Variants in PARD3B observed in about 807,000 individuals in gnomAD.
The protein encoded by PARD3B is partitioning defective 3 homolog B.
A neutral mutation model predicts 130.2 loss-of-function variants in PARD3B; 103 were observed. The observed-to-expected ratio is 0.79, with a 90% CI of 0.67 to 0.93. PARD3B has a LOEUF of 0.93. PARD3B is among the 40% of genes least tolerant of loss of function. The probability of loss-of-function intolerance (pLI) is 0.00; values close to 1 mark genes in which losing one functional copy is unlikely to be tolerated. For synonymous variants in PARD3B, 583 were observed against 553.2 expected (o/e 1.05, Z -0.76); for missense variants, 1,609 against 1,499.2 (o/e 1.07, Z -1.21).
intron 4 of PARD3B, among the ~76,000 whole-genome samples, chr2:205,092,744 C>A (rs1408042099): frequency 6.6e-6 from 1 of 152,120 alleles, no homozygotes; most frequent in Non-Finnish European, 1.5e-5. Flanking sequence ...CCATACTGAT[C>A]AACAATCTCT....
At chr2:204,789,271 G>A (rs536816470) in intron 2 of PARD3B, among the ~76,000 whole-genome samples, 12 of 152,174 alleles carry the variant, frequency 7.9e-5, no homozygotes, top group South Asian at 6.2e-4. Flanking sequence ...ATTTGGTCTC[G>A]AAATCCTGGT....
chr2:205,282,415 G>A (rs1428242759), intron 16 of PARD3B, among the ~76,000 whole-genome samples: 1 of 150,680 alleles, frequency 6.6e-6, no homozygotes, highest in Non-Finnish European at 1.5e-5. Flanking sequence ...TTTACAAGTT[G>A]GCTCTTAATA....
At chr2:205,307,848 CACTT>C (rs747400466) in intron 18 of PARD3B, among the ~76,000 whole-genome samples, 1 of 152,140 alleles carries the variant, frequency 6.6e-6, no homozygotes, top group South Asian at 2.1e-4. Flanking sequence ...ATAGGCCACT[CACTT>C]CAAAAACCTT....
At chr2:205,070,418 C>G (rs1700652220) in intron 4 of PARD3B, among the ~76,000 whole-genome samples, 1 of 151,778 alleles carries the variant, frequency 6.6e-6, no homozygotes, top group Non-Finnish European at 1.5e-5. Flanking sequence ...TCTCTATAAT[C>G]TTTGTTCATG....
intron 3 of PARD3B, among the ~76,000 whole-genome samples, chr2:204,985,240 C>T (rs1340774499): frequency 6.6e-6 from 1 of 151,964 alleles, no homozygotes; most frequent in African/African-American, 2.4e-5. Context: ...TACTTTCCTT[C>T]CTTGAACAAT....
intron 18 of PARD3B, among the ~76,000 whole-genome samples, chr2:205,364,356 C>T (rs1430950726): frequency 1.3e-5 from 2 of 152,124 alleles, no homozygotes; most frequent in Non-Finnish European, 2.9e-5. Flanking sequence ...ATGGCATTCC[C>T]TAGTGTACTG....
rs1371369488 is a variant in PARD3B, at chr2:205,291,526, T to C, written c.2186-9004T>C. 6.6e-6 allele frequency among the ~76,000 whole-genome samples: 1 copy of C among 152,196 alleles called. No homozygotes were observed. Among genetic ancestry groups the C allele is most frequent in the Non-Finnish European group, 1.5e-5 (1 of 68,036 alleles). On this transcript the variant is annotated intron_variant, in intron 16 of 22. Coordinates refer to ENST00000406610, the MANE Select transcript of PARD3B (RefSeq NM_001302769.2). This position sits in a 1 kb window ranked among gnomAD's most constrained non-coding sequence, Gnocchi z 4.6. The stretch of plus-strand genomic sequence containing the variant: ...TCTGGTGTATTATGGAAGGTAGAAC[T>C]TGTAAGTGATGAAATTGGGTATTTA...
rs1574781572 is a variant in PARD3B, at chr2:205,352,796, G to T, written c.2631-48217G>T. Among the ~76,000 whole-genome samples, 1 of 152,098 alleles carries T rather than the reference G, an allele frequency of 6.6e-6. No individual in the cohort carries two copies. Among genetic ancestry groups the T allele is most frequent in the African/African-American group, 2.4e-5 (1 of 41,408 alleles). ...TTTCAGCCCCTGACTTGTTCCTGGG[G>T]CTGCTGATTCATCTGTTTTCATTGC... On this transcript the variant is annotated intron_variant, in intron 18 of 22. Coordinates refer to ENST00000406610, the MANE Select transcript of PARD3B (RefSeq NM_001302769.2). The surrounding 1 kb of genome is among the most constrained non-coding windows in gnomAD (Gnocchi z 5.2).
chr2:205,252,208 G>A (rs549784252), intron 16 of PARD3B, among the ~76,000 whole-genome samples: 2 of 152,210 alleles, frequency 1.3e-5, no homozygotes, highest in South Asian at 4.1e-4. Flanking sequence ...TAAATAAAGA[G>A]ACAACATATG....
chr2:204,872,786 A>G (rs899199456), intron 2 of PARD3B, among the ~76,000 whole-genome samples: 1 of 152,190 alleles, frequency 6.6e-6, no homozygotes, highest in African/African-American at 2.4e-5. Context: ...TAAACCAAAT[A>G]CTTATTTGAA....
rs1049587624 is a variant in PARD3B, at chr2:205,230,877, G to A, written c.2141-14901G>A. Among the ~76,000 whole-genome samples, 2 of 152,058 alleles carry A rather than the reference G, an allele frequency of 1.3e-5. No homozygotes were observed. Among genetic ancestry groups the A allele is most frequent in the African/African-American group, 4.8e-5 (2 of 41,422 alleles). ...TGCTCCCTCCATGGACTCTGGCTGT[G>A]TTCTGCCTGGTGTTGCTTTCCACCA... On this transcript the variant is annotated intron_variant, in intron 15 of 22. Coordinates refer to ENST00000406610, the MANE Select transcript of PARD3B (RefSeq NM_001302769.2). The surrounding 1 kb of genome is among the most constrained non-coding windows in gnomAD (Gnocchi z 4.1).
intron 2 of PARD3B, among the ~76,000 whole-genome samples, chr2:204,806,315 G>A (rs1211336513): frequency 1.3e-5 from 2 of 152,076 alleles, no homozygotes; most frequent in Non-Finnish European, 2.9e-5. Context: ...GAACAGAATA[G>A]GGAACCTAGA....
chr2:205,613,743 G>A (rs1559271961), intron 22 of PARD3B, among the ~76,000 whole-genome samples: 1 of 152,178 alleles, frequency 6.6e-6, no homozygotes. Context: ...AAAAAGTAGA[G>A]AGAATTCTAT....
intron 2 of PARD3B, among the ~76,000 whole-genome samples, chr2:204,903,266 T>A (rs2046931764): frequency 6.6e-6 from 1 of 152,200 alleles, no homozygotes; most frequent in South Asian, 2.1e-4. Flanking sequence ...ACAGCTTGAA[T>A]AAAATAGAAC....
In PARD3B at chr2:205,121,523, C is replaced by A; in HGVS notation, c.807-68C>A. On this transcript the variant is annotated intron_variant, in intron 7 of 22. Coordinates refer to ENST00000406610, the MANE Select transcript of PARD3B (RefSeq NM_001302769.2). The surrounding 1 kb of genome is among the most constrained non-coding windows in gnomAD (Gnocchi z 5.0). ...TGTGCTGCTCTTGGTTGCCATCCTC[C>A]TGGGGTACTTTAGAAGATGCTGCAC... The A allele has an allele frequency of 7.2e-7, 1 of 1,391,818 alleles. No individual in the cohort carries two copies. The highest frequency in any genetic ancestry group is 1.0e-6 in the Non-Finnish European group (1 of 998,372). 86.2% of individuals were successfully genotyped at this position (1,391,818 alleles called of 1,614,324 possible). A position where few individuals can be genotyped will look rare whatever the true frequency, so the allele number is the denominator to read the frequency against.
At chr2:205,212,197 C>T (rs1444973128) in intron 15 of PARD3B, among the ~76,000 whole-genome samples, 1 of 55,290 alleles carries the variant, frequency 1.8e-5, no homozygotes, top group Non-Finnish European at 3.3e-5. Flanking sequence ...ACAAAAATGT[C>T]AGTGAAACTA....
intron 15 of PARD3B, among the ~76,000 whole-genome samples, chr2:205,240,406 T>C (rs2039299923): frequency 6.6e-6 from 1 of 152,124 alleles, no homozygotes; most frequent in African/African-American, 2.4e-5. Flanking sequence ...AACTTCAAAA[T>C]TGCAGTCTCT....
chr2:204,948,956 A>G lies in PARD3B; in HGVS notation c.223-16196A>G, dbSNP rs78648744. Reference sequence around the variant, plus strand: ...AGACTTTATGAACTAAAGTTGATGAACTGTACTGGTTTTCTAGAGTACTTT... The same window carrying G: ...AGACTTTATGAACTAAAGTTGATGAGCTGTACTGGTTTTCTAGAGTACTTT... On this transcript the variant is annotated intron_variant, in intron 2 of 22. Coordinates refer to ENST00000406610, the MANE Select transcript of PARD3B (RefSeq NM_001302769.2). Among the ~76,000 whole-genome samples, 184 of 152,286 alleles carry G rather than the reference A, an allele frequency of 1.2e-3. 2 individuals carry two copies. The highest frequency in any genetic ancestry group is 4.2e-3 in the African/African-American group (176 of 41,546).
Position 205,078,570 on chromosome 2 carries a change from A to G in PARD3B, c.505-25856A>G, listed in dbSNP as rs542185063. 1.4e-4 allele frequency among the ~76,000 whole-genome samples: 21 copies of G among 152,114 alleles called. No individual in the cohort carries two copies. The highest frequency in any genetic ancestry group is 3.2e-3 in the Middle Eastern group (1 of 316). On this transcript the variant is annotated intron_variant, in intron 4 of 22. Transcript: ENST00000406610. This position sits in a 1 kb window ranked among gnomAD's most constrained non-coding sequence, Gnocchi z 4.0. ...GTAGTATTTTGCTTAAATTCATGTAATTTTTTTAATCCATAGGGTAAGTGT... is the reference window on the plus strand; with the variant it reads ...GTAGTATTTTGCTTAAATTCATGTAGTTTTTTTAATCCATAGGGTAAGTGT...
Sources: allele counts gnomAD v4.1 joint callset (sites outside exome capture counted in the v4.1 genomes callset), GRCh38; gene constraint gnomAD v4.1.1; non-coding constraint Gnocchi (gnomAD v3.1); transcripts MANE v1.5; gene names NCBI Gene and HGNC (gene_info 2026-07-23, HGNC 2026-07-21).